The following KCNN2 variants were observed in gnomAD, a reference collection of about 807,000 sequenced individuals.
KCNN2 encodes small conductance calcium-activated potassium channel protein 2.
Under a neutral mutation model 55.5 loss-of-function variants are expected in KCNN2, and 24 were observed. That is an observed-to-expected ratio of 0.43 (90% CI 0.31 to 0.61). The LOEUF is 0.61. Among genes scored for constraint, KCNN2 ranks in the 20% least tolerant of loss-of-function variants. The pLI is 0.08. For missense variants in KCNN2, 754 were observed against 853.6 expected (o/e 0.88, Z 1.45); for synonymous variants, 431 against 336.1 (o/e 1.28, Z -3.09).
intron 2 of KCNN2, among the ~76,000 whole-genome samples, chr5:114,374,188 G>T (rs188230355): frequency 4.9e-4 from 75 of 152,138 alleles, no homozygotes; most frequent in African/African-American, 1.7e-3. Context: ...ACTCCTTCAG[G>T]CATCACAGCT....
chr5:114,449,908 A>ACACACACACACACGCGCGCGCGCG lies in KCNN2; in HGVS notation c.1638-13140_1638-13139insACACACACACACGCGCGCGCGCGC, dbSNP rs1309590184. The stretch of plus-strand genomic sequence containing the variant: ...CACACACACACACACACACACACAC[A>ACACACACACACACGCGCGCGCGCG]CGCGCGCGCTCGCGTGCGCGCACTC... On this transcript the variant is annotated intron_variant, in intron 3 of 7. Coordinates refer to ENST00000673685, the MANE Select transcript of KCNN2 (RefSeq NM_021614.4). 4.5e-5 allele frequency among the ~76,000 whole-genome samples: 3 copies of ACACACACACACACGCGCGCGCGCG among 66,120 alleles called. No homozygotes were observed. The South Asian group carries it at 1.9e-3, about 42-fold the overall frequency. The allele number at this position is 66,120 out of a possible 152,430, so 43.4% of individuals were successfully genotyped here. A position where few individuals can be genotyped will look rare whatever the true frequency, so the allele number is the denominator to read the frequency against.
chr5:114,116,682 G>A (rs1179484518), intron 1 of KCNN2, among the ~76,000 whole-genome samples: 1 of 152,086 alleles, frequency 6.6e-6, no homozygotes, highest in Non-Finnish European at 1.5e-5. Context: ...ACAATATTTA[G>A]TAATTTAAAC....
At chr5:114,261,062 A>G (rs1226279484) in intron 2 of KCNN2, among the ~76,000 whole-genome samples, 1 of 152,210 alleles carries the variant, frequency 6.6e-6, no homozygotes, top group Non-Finnish European at 1.5e-5. Context: ...ACTTCCATAT[A>G]AACATGTGAT....
At chr5:114,110,027 G>C (rs919620065) in intron 1 of KCNN2, among the ~76,000 whole-genome samples, 1 of 152,020 alleles carries the variant, frequency 6.6e-6, no homozygotes, top group Non-Finnish European at 1.5e-5. Context: ...GCTTCACAAA[G>C]CTTTTGTCTC....
intron 1 of KCNN2, among the ~76,000 whole-genome samples, chr5:114,220,568 A>G (rs1370813023): frequency 6.6e-6 from 1 of 152,180 alleles, no homozygotes; most frequent in African/African-American, 2.4e-5. Context: ...GAAAGGAATT[A>G]TGAAATACAA....
chr5:114,139,597 T>G (rs1580547662), intron 1 of KCNN2, among the ~76,000 whole-genome samples: 1 of 149,878 alleles, frequency 6.7e-6, no homozygotes, highest in Non-Finnish European at 1.5e-5. Context: ...ATTTATATAC[T>G]CTATATAATA....
At chr5:114,226,239 T>A (rs1490326881) in intron 2 of KCNN2, among the ~76,000 whole-genome samples, 1 of 152,200 alleles carries the variant, frequency 6.6e-6, no homozygotes, top group Non-Finnish European at 1.5e-5. Context: ...GAGTGTTTTA[T>A]TTTTTTCAAT....
intron 2 of KCNN2, among the ~76,000 whole-genome samples, chr5:114,343,216 C>G (rs1396290276): frequency 6.6e-6 from 1 of 152,050 alleles, no homozygotes; most frequent in East Asian, 1.9e-4. Context: ...AATGAATAGC[C>G]AACAGAGGCT....
At chr5:114,103,514 G>A (rs1394783154) in intron 1 of KCNN2, among the ~76,000 whole-genome samples, 1 of 152,110 alleles carries the variant, frequency 6.6e-6, no homozygotes, top group Non-Finnish European at 1.5e-5. Flanking sequence ...TGTTTTCAAA[G>A]GAATGCTTCC....
intron 4 of KCNN2, among the ~76,000 whole-genome samples, chr5:114,468,275 T>G (rs1286037710): frequency 6.6e-6 from 1 of 152,160 alleles, no homozygotes; most frequent in Non-Finnish European, 1.5e-5. Flanking sequence ...AAAATGTTAC[T>G]TGCCAGAATT....
At chr5:114,271,867 C>A (rs191937746) in intron 2 of KCNN2, among the ~76,000 whole-genome samples, 13 of 152,268 alleles carry the variant, frequency 8.5e-5, no homozygotes, top group Admixed American at 2.0e-4. Context: ...TTTGTCTCAA[C>A]TTTATCACCT....
At chr5:114,135,606 A>T (rs1028442641) in intron 1 of KCNN2, among the ~76,000 whole-genome samples, 1 of 152,200 alleles carries the variant, frequency 6.6e-6, no homozygotes. Flanking sequence ...CCCGTGTATA[A>T]AGCCCACGGT....
chr5:114,295,677 T>C (rs952114941), intron 2 of KCNN2, among the ~76,000 whole-genome samples: 33 of 152,130 alleles, frequency 2.2e-4, no homozygotes, highest in Admixed American at 2.2e-3. Context: ...CTCACCCTGC[T>C]TCAGCTCACG....
intron 1 of KCNN2, among the ~76,000 whole-genome samples, chr5:114,127,885 C>T (rs1375291881): frequency 6.6e-6 from 1 of 152,328 alleles, no homozygotes; most frequent in East Asian, 1.9e-4. Flanking sequence ...CCTCCAATCT[C>T]TTTGCTGAAA....
intron 1 of KCNN2, among the ~76,000 whole-genome samples, chr5:114,139,447 A>C (rs1158314689): frequency 4.3e-5 from 6 of 138,612 alleles, no homozygotes; most frequent in Admixed American, 1.6e-4. Context: ...AGGAACACAC[A>C]CTCACACAAC....
intron 2 of KCNN2, among the ~76,000 whole-genome samples, chr5:114,269,934 C>A (rs1755292381): frequency 6.6e-6 from 1 of 152,270 alleles, no homozygotes; most frequent in East Asian, 1.9e-4. Flanking sequence ...TTCAGAATAG[C>A]ATTTGCAAAC....
intron 1 of KCNN2, among the ~76,000 whole-genome samples, chr5:114,130,775 T>C (rs1194269926): frequency 6.6e-6 from 1 of 152,188 alleles, no homozygotes; most frequent in East Asian, 1.9e-4. Context: ...AAACCAAGGA[T>C]AAAGGCAGAC....
At chr5:114,061,502 T>A (rs1750329714) in intron 1 of KCNN2, among the ~76,000 whole-genome samples, 1 of 152,126 alleles carries the variant, frequency 6.6e-6, no homozygotes, top group African/African-American at 2.4e-5. Flanking sequence ...AAGGCAAAAG[T>A]GTCTCATGCA....
intron 1 of KCNN2, among the ~76,000 whole-genome samples, chr5:114,161,873 C>T (rs1241030969): frequency 6.6e-6 from 1 of 152,182 alleles, no homozygotes; most frequent in Non-Finnish European, 1.5e-5. Flanking sequence ...AAGGACTTCT[C>T]TGCATTGGTT....
Sources: allele counts gnomAD v4.1 joint callset (sites outside exome capture counted in the v4.1 genomes callset), GRCh38; gene constraint gnomAD v4.1.1; transcripts MANE v1.5; gene names NCBI Gene and HGNC (gene_info 2026-07-23, HGNC 2026-07-21).